SUSD1: variants seen among roughly 807,000 people sequenced by gnomAD.
SUSD1 encodes sushi domain containing 1.
A neutral mutation model predicts 86.9 loss-of-function variants in SUSD1; 65 were observed. That is an observed-to-expected ratio of 0.75 (90% CI 0.61 to 0.92). The LOEUF is 0.92. SUSD1 is among the 40% of genes least tolerant of loss of function. SUSD1 has a pLI of 0.00. For missense variants in SUSD1, 850 were observed against 929.7 expected (o/e 0.91, Z 1.11); for synonymous variants, 346 against 350.0 (o/e 0.99, Z 0.13).
At chr9:112,068,648 G>A (rs565997619) in intron 12 of SUSD1, among the ~76,000 whole-genome samples, 7 of 150,144 alleles carry the variant, frequency 4.7e-5, no homozygotes, top group African/African-American at 1.7e-4. Context: ...GTTGCAGTGA[G>A]CCAAGATTGC....
intron 5 of SUSD1, among the ~76,000 whole-genome samples, chr9:112,141,242 G>A (rs1332601524): frequency 2.0e-5 from 3 of 152,168 alleles, no homozygotes; most frequent in African/African-American, 7.2e-5. Context: ...ACATTATGAT[G>A]GCTACGATGT....
At chr9:112,042,245 A>G (rs1450018311) in intron 15 of SUSD1, 15 of 1,220,344 alleles carry the variant, frequency 1.2e-5, no homozygotes, top group Admixed American at 2.2e-5. Flanking sequence ...CACAAATACT[A>G]TGCAACGTGT....
At chr9:112,060,865 A>C (rs758469447) in intron 13 of SUSD1, among the ~76,000 whole-genome samples, 9 of 152,174 alleles carry the variant, frequency 5.9e-5, no homozygotes, top group Non-Finnish European at 1.3e-4. Context: ...CTTTCCATGC[A>C]GGTGGTGGTG....
chr9:112,115,186 G>T (rs1251488777), intron 6 of SUSD1, among the ~76,000 whole-genome samples: 3 of 152,154 alleles, frequency 2.0e-5, no homozygotes. Context: ...TACCTGTAGG[G>T]CCAATCCTAT....
chr9:112,148,908 A>G (rs1832923490), intron 3 of SUSD1, among the ~76,000 whole-genome samples: 1 of 100,738 alleles, frequency 9.9e-6, no homozygotes. Flanking sequence ...CCCCCCCTTA[A>G]AAAAAAAAAA....
chr9:112,136,915 T>G (rs1056303740), intron 5 of SUSD1, among the ~76,000 whole-genome samples: 1 of 152,206 alleles, frequency 6.6e-6, no homozygotes, highest in African/African-American at 2.4e-5. Context: ...TAGACCACAC[T>G]GTGCATGAAC....
chr9:112,149,181 A>G, intron 3 of SUSD1, 63 bp downstream of exon 3: 3 of 1,584,928 alleles, frequency 1.9e-6, no homozygotes, highest in Admixed American at 1.8e-5. Flanking sequence ...ATTAACAAAT[A>G]CACAGCCCAG....
At chr9:112,156,703 A>G (rs962842089) in intron 2 of SUSD1, among the ~76,000 whole-genome samples, 2 of 152,132 alleles carry the variant, frequency 1.3e-5, no homozygotes, top group Non-Finnish European at 2.9e-5. Context: ...GAGGCTCAGT[A>G]CCTCGCTGTT....
chr9:112,076,511 T>C (rs150510543), intron 12 of SUSD1, among the ~76,000 whole-genome samples: 34 of 152,192 alleles, frequency 2.2e-4, no homozygotes, highest in African/African-American at 7.9e-4. Flanking sequence ...GGAAACCGAT[T>C]TGGGGGCGAG....
At chr9:112,063,544 C>T (rs1019911135) in intron 12 of SUSD1, among the ~76,000 whole-genome samples, 19 of 152,134 alleles carry the variant, frequency 1.2e-4, no homozygotes. Flanking sequence ...TGGGTAGATT[C>T]CTACTTGGTA....
intron 5 of SUSD1, among the ~76,000 whole-genome samples, chr9:112,139,445 A>G (rs1366562555): frequency 6.6e-6 from 1 of 152,128 alleles, no homozygotes; most frequent in African/African-American, 2.4e-5. Flanking sequence ...ACACATTATT[A>G]TTATTATTTT....
rs140200077 is a variant in SUSD1, at chr9:112,053,982, T to G, written c.2110-1544A>C. Among the ~76,000 whole-genome samples the G allele has an allele frequency of 3.5e-4, 53 of 152,322 alleles. No homozygotes were observed. The Middle Eastern group carries it at 0.014, about 39-fold the overall frequency. On this transcript the variant is annotated intron_variant, in intron 14 of 16. Coordinates refer to ENST00000374270, the MANE Select transcript of SUSD1 (RefSeq NM_022486.5). ...GAATTGACATGATTTGCTGATGATC[T>G]GGATAAGAAGGTAAGAAAGAAGGAA... is the stretch of plus-strand genomic sequence containing the variant.
Position 112,078,551 on chromosome 9 carries a change from T to C in SUSD1, c.1740A>G (p.Thr580=). 1 of 1,610,102 alleles carries C rather than the reference T, an allele frequency of 6.2e-7. No individual in the cohort carries two copies. The highest frequency in any genetic ancestry group is 8.5e-7 in the Non-Finnish European group (1 of 1,176,756). The stretch of plus-strand genomic sequence containing the variant: ...TTCAAGATTTACCTGTTATCTGGGT[T>C]GTCAGGGAGATGACCACAGGAAGTT... ...SSELPVVISL[T]TQITEPPLPE... The change falls in exon 12 of 17, where the codon ACA becomes ACG. Residue 580 remains threonine, a synonymous_variant. Coordinates refer to ENST00000374270, the MANE Select transcript of SUSD1 (RefSeq NM_022486.5).
chr9:112,150,732 T>C (rs1202980516), intron 2 of SUSD1, among the ~76,000 whole-genome samples: 2 of 152,196 alleles, frequency 1.3e-5, no homozygotes, highest in Non-Finnish European at 2.9e-5. Context: ...TAGGCAACTG[T>C]AACACAGTGG....
In SUSD1 at chr9:112,124,577, ATATAAG is replaced by A. The variant is rs1182576796; in HGVS notation, c.707-147_707-142del. The stretch of plus-strand genomic sequence containing the variant: ...AACACTAACCCCATCAAATAATCCA[ATATAAG>A]TATGTCTGAATTTAATAAAATTTCC... On this transcript the variant is annotated intron_variant, in intron 5 of 16. Transcript: ENST00000374270. The A allele has an allele frequency of 2.5e-5, 18 of 732,316 alleles. No homozygotes were observed. The African/African-American group carries it at 3.2e-4, about 13-fold the overall frequency. 45.4% of individuals were successfully genotyped at this position (732,316 alleles called of 1,614,324 possible). A position where few individuals can be genotyped will look rare whatever the true frequency, so the allele number is the denominator to read the frequency against.
chr9:112,114,180 C>T (rs1037285779), intron 6 of SUSD1, among the ~76,000 whole-genome samples: 1 of 151,946 alleles, frequency 6.6e-6, no homozygotes, highest in African/African-American at 2.4e-5. Context: ...ATTTCATTTA[C>T]AATACTATCA....
At chr9:112,063,095 A>G (rs775786344) in intron 12 of SUSD1, 62 bp from the exon 13 acceptor site, 8 of 1,076,704 alleles carry the variant, frequency 7.4e-6, no homozygotes, top group Non-Finnish European at 1.0e-5. Context: ...GCAGGACAAA[A>G]GAGGTCCTCG....
intron 9 of SUSD1, among the ~76,000 whole-genome samples, chr9:112,101,274 G>A (rs970929809): frequency 1.3e-5 from 2 of 151,736 alleles, no homozygotes; most frequent in African/African-American, 4.8e-5. Flanking sequence ...AGGCACGAGA[G>A]TCGCTTGAAT....
rs539257327 is a variant in SUSD1, at chr9:112,101,356, G to A, written c.1281+820C>T. On this transcript the variant is annotated intron_variant, in intron 9 of 16. Transcript: ENST00000374270. ...CAACCTGGGTAACAGAGCAAGACTC[G>A]GTCTCAAAAAAGAAAAAAAAATTTT... Among the ~76,000 whole-genome samples, 73 of 151,782 alleles carry A rather than the reference G, an allele frequency of 4.8e-4. 1 individual carries two copies. Among genetic ancestry groups the A allele is most frequent in the African/African-American group, 1.7e-3 (69 of 41,370 alleles).
Sources: allele counts gnomAD v4.1 joint callset (sites outside exome capture counted in the v4.1 genomes callset), GRCh38; gene constraint gnomAD v4.1.1; transcripts MANE v1.5; gene names NCBI Gene and HGNC (gene_info 2026-07-23, HGNC 2026-07-21).